The following ZBTB40 variants were observed in gnomAD, a reference collection of about 807,000 sequenced individuals.
ZBTB40 encodes zinc finger and BTB domain containing 40.
Under a neutral mutation model 117.5 loss-of-function variants are expected in ZBTB40, and 60 were observed. The observed-to-expected ratio is 0.51, with a 90% CI of 0.41 to 0.63. The LOEUF is 0.63. Ranked by LOEUF, ZBTB40 falls within the 30% of genes least tolerant of loss-of-function variation. The probability of loss-of-function intolerance (pLI) is 0.00; values close to 1 mark genes in which losing one functional copy is unlikely to be tolerated. For synonymous variants in ZBTB40, 525 were observed against 577.1 expected (o/e 0.91, Z 1.29); for missense variants, 1,287 against 1,498.5 (o/e 0.86, Z 2.33).
chr1:22,470,113 G>A (rs891292674), intron 1 of ZBTB40, among the ~76,000 whole-genome samples: 3 of 152,178 alleles, frequency 2.0e-5, no homozygotes, highest in Admixed American at 2.0e-4. Context: ...TGGCTTAAAA[G>A]CTCAGAAACC....
In ZBTB40 at chr1:22,432,653, T is replaced by G. The variant is rs566021655; in HGVS notation, c.-70+3639T>G. On this transcript the variant is annotated intron_variant, in intron 1 of 8. Transcript: ENST00000650433. ...TTGCTTTCGAGGTCTCTATTCAGAT[T>G]CCCTGTTCAGATTTCCATGGTTTTT... Among the ~76,000 whole-genome samples the G allele has an allele frequency of 5.9e-5, 9 of 152,366 alleles. No individual in the cohort carries two copies. The East Asian group carries it at 1.7e-3, about 29-fold the overall frequency.
intron 1 of ZBTB40, among the ~76,000 whole-genome samples, chr1:22,464,611 A>C (rs1261055511): frequency 6.6e-6 from 1 of 152,216 alleles, no homozygotes; most frequent in African/African-American, 2.4e-5. Flanking sequence ...AGGTTTATGC[A>C]TGTTTACTAT....
rs748136632 is a variant in ZBTB40, at chr1:22,512,959, G to GAGA, written c.2500_2502dup (p.Lys834dup). ...CCATAAGCTGACAGAGCACTTCGAT[G>GAGA]AGAAGCCTTTCTCCTGTGAAGAGTG... On this transcript the variant is annotated inframe_insertion, in exon 12 of 18. Transcript: ENST00000375647. 6.2e-7 allele frequency: 1 copy of GAGA among 1,614,240 alleles called. No individual in the cohort carries two copies. Among genetic ancestry groups the GAGA allele is most frequent in the Non-Finnish European group, 8.5e-7 (1 of 1,180,042 alleles).
chr1:22,457,866 C>T (rs1641039916), intron 1 of ZBTB40, among the ~76,000 whole-genome samples: 1 of 152,142 alleles, frequency 6.6e-6, no homozygotes, highest in Non-Finnish European at 1.5e-5. Context: ...TTGAGTCTTC[C>T]TGAGTTTTCC....
At position 22,491,400 on chromosome 1, in the gene ZBTB40, G is replaced by A. The variant is rs1467761560; in HGVS notation, c.698G>A (p.Gly233Glu). ...SEAKKTSTEP[G>E]CERKHYQLNF... Reference sequence around the variant, plus strand: ...TTGTTTTATTTTGTTCTACATTTAGGATGTGAAAGGAAACACTACCAGCTG... The same window carrying A: ...TTGTTTTATTTTGTTCTACATTTAGAATGTGAAAGGAAACACTACCAGCTG... The change falls in exon 3 of 18, where the codon GGA becomes GAA. Residue 233 changes from glycine (G) to glutamate (E), a missense_variant and splice_region_variant. Physicochemically the swap from Gly to Glu is moderately conservative, Grantham distance 98 (BLOSUM62 -2). This residue lies in a region of ZBTB40 where 870 missense variants were observed against 934.4 expected (regional missense o/e 0.93). Transcript: ENST00000375647. 1 of 1,613,738 alleles carries A rather than the reference G, an allele frequency of 6.2e-7. No individual in the cohort carries two copies. Among genetic ancestry groups the A allele is most frequent in the Non-Finnish European group, 8.5e-7 (1 of 1,179,828 alleles).
intron 1 of ZBTB40, among the ~76,000 whole-genome samples, chr1:22,478,932 C>T (rs539798986): frequency 1.3e-5 from 2 of 152,216 alleles, no homozygotes; most frequent in South Asian, 2.1e-4. Context: ...CTTGGTGTCT[C>T]TTTACATGTA....
At chr1:22,508,167 G>A (rs751221008) in intron 7 of ZBTB40, 30 bp downstream of exon 7, 2 of 1,611,120 alleles carry the variant, frequency 1.2e-6, no homozygotes, top group Non-Finnish European at 1.7e-6. Flanking sequence ...AGAGGGAGGG[G>A]AGGGTAAAAT....
intron 3 of ZBTB40, among the ~76,000 whole-genome samples, chr1:22,496,748 G>A (rs11810669): frequency 6.6e-6 from 1 of 152,140 alleles, no homozygotes; most frequent in African/African-American, 2.4e-5. Context: ...TCCACTTTCA[G>A]AAAGGCTTGC....
At chr1:22,499,428 AT>A (rs1638866587) in intron 3 of ZBTB40, among the ~76,000 whole-genome samples, 1 of 152,242 alleles carries the variant, frequency 6.6e-6, no homozygotes, top group African/African-American at 2.4e-5. Context: ...ATTAGGGTCC[AT>A]TTTAGATGCT....
chr1:22,479,677 C>T (rs1296112883), intron 1 of ZBTB40, among the ~76,000 whole-genome samples: 4 of 152,184 alleles, frequency 2.6e-5, no homozygotes, highest in Non-Finnish European at 5.9e-5. Context: ...CAAATTGCTT[C>T]TCCCACATGT....
chr1:22,508,899 A>G (rs1333303976), intron 8 of ZBTB40, among the ~76,000 whole-genome samples, 168 bp downstream of exon 8: 1 of 152,238 alleles, frequency 6.6e-6, no homozygotes, highest in Non-Finnish European at 1.5e-5. Flanking sequence ...CCTTTTAAAA[A>G]ATAGATCCAG....
At chr1:22,511,550 T>C (rs1639234723) in intron 10 of ZBTB40, 126 bp from the exon 11 acceptor site, 7 of 1,257,046 alleles carry the variant, frequency 5.6e-6, no homozygotes, top group East Asian at 2.5e-5. Context: ...GACAATGATA[T>C]TACTTCAGAG....
intron 3 of ZBTB40, among the ~76,000 whole-genome samples, chr1:22,497,255 G>A (rs779902123): frequency 6.6e-6 from 1 of 152,190 alleles, no homozygotes; most frequent in Non-Finnish European, 1.5e-5. Flanking sequence ...TCCCAAAGCT[G>A]AAGACCTAGT....
intron 5 of ZBTB40, among the ~76,000 whole-genome samples, chr1:22,504,826 A>G (rs1192452673): frequency 2.0e-5 from 3 of 152,248 alleles, no homozygotes; most frequent in Non-Finnish European, 2.9e-5. Flanking sequence ...GTCTGGCTTT[A>G]AAGCCTATGC....
chr1:22,512,783 A>G lies in ZBTB40; in HGVS notation c.2462-141A>G, dbSNP rs888603873. The G allele has an allele frequency of 2.0e-5, 18 of 904,930 alleles. No homozygotes were observed. In the African/African-American group the frequency reaches 3.0e-4, roughly 15 times the overall value. The allele number at this position is 904,930 out of a possible 1,614,324, so 56.1% of individuals were successfully genotyped here. The stretch of plus-strand genomic sequence containing the variant: ...AGCGTGGCTGTGTGCAGTGGGTACC[A>G]GCGTGGCCTGGCACCCTGGGCTTCA... On this transcript the variant is annotated intron_variant, in intron 11 of 17. Coordinates refer to ENST00000375647, the MANE Select transcript of ZBTB40 (RefSeq NM_014870.4).
At chr1:22,470,010 C>T in intron 1 of ZBTB40, among the ~76,000 whole-genome samples, 1 of 152,208 alleles carries the variant, frequency 6.6e-6, no homozygotes, top group East Asian at 1.9e-4. Context: ...TATAACCAGC[C>T]TAGTGCTTCA....
chr1:22,430,602 G>T (rs1640566649), intron 1 of ZBTB40, among the ~76,000 whole-genome samples: 1 of 151,846 alleles, frequency 6.6e-6, no homozygotes, highest in African/African-American at 2.4e-5. Context: ...CTCCCATGTG[G>T]CTGGAACTAC....
chr1:22,478,745 A>T (rs528297202), intron 1 of ZBTB40, among the ~76,000 whole-genome samples: 38 of 152,336 alleles, frequency 2.5e-4, no homozygotes, highest in African/African-American at 8.4e-4. Context: ...ACTCATTTTT[A>T]GATGTTGGTG....
chr1:22,524,410 C>T lies in ZBTB40; in HGVS notation c.3491C>T (p.Thr1164Met), dbSNP rs370617744. 22 of 1,614,032 alleles carry T rather than the reference C, an allele frequency of 1.4e-5. No homozygotes were observed. Among genetic ancestry groups the T allele is most frequent in the African/African-American group, 1.3e-4 (10 of 74,940 alleles). ...LESEHPKVMS[T>M]ETQAAASQMA... Reference sequence around the variant, plus strand: ...TCTGAGCACCCAAAGGTGATGAGCACGGAAACCCAGGCCGCAGCCTCACAG... The same window carrying T: ...TCTGAGCACCCAAAGGTGATGAGCATGGAAACCCAGGCCGCAGCCTCACAG... The change falls in exon 17 of 18, where the codon ACG (threonine) becomes ATG (methionine). Residue 1164 changes from threonine to methionine, a missense_variant. Thr to Met is a moderately conservative substitution (Grantham distance 81). Coordinates refer to ENST00000375647, the MANE Select transcript of ZBTB40 (RefSeq NM_014870.4).
Sources: gnomAD v4.1 joint callset for allele counts (sites outside exome capture counted in the v4.1 genomes callset) on GRCh38, gnomAD v4.1.1 for gene constraint, gnomAD v4.1.1 regional missense constraint, MANE v1.5 for transcripts, NCBI Gene and HGNC (gene_info 2026-07-23, HGNC 2026-07-21) for gene names.